The following PHF10 variants were observed in gnomAD, a reference collection of about 807,000 sequenced individuals.
PHF10 encodes the protein PHD finger protein 10.
Under a neutral mutation model 68.5 loss-of-function variants are expected in PHF10, and 51 were observed. The observed-to-expected ratio is 0.74, with a 90% CI of 0.59 to 0.94. PHF10 has a LOEUF of 0.94. PHF10 is among the 40% of genes least tolerant of loss of function. The pLI, the probability that PHF10 is intolerant of heterozygous loss-of-function variation, is 0.00. For synonymous variants in PHF10, 204 were observed against 203.5 expected, an observed-to-expected ratio of 1.00 and a Z score of -0.02; for missense variants, 460 against 602.6, an observed-to-expected ratio of 0.76 and a Z score of 2.48.
rs1188186747 is a variant in PHF10 at position 169,712,400 on chromosome 6, T to G, written c.943A>C (p.Asn315His). 2 of 1,614,018 alleles carry G rather than the reference T, an allele frequency of 1.2e-6. No homozygotes were observed. Among genetic ancestry groups the G allele is most frequent in the South Asian group, 2.2e-5 (2 of 91,072 alleles). Residue 315 changes from asparagine to histidine, a missense_variant, in exon 8 of 12, where the codon AAT becomes CAT. Physicochemically the swap from Asn to His is moderately conservative, Grantham distance 68 (BLOSUM62 1). Transcript: ENST00000339209. Reference sequence around the variant, plus strand: ...AATGTTCTCACCGAAGTGCCTTTATTTTTCCGTTTCTCATCACCTCGACCA... The same window carrying G: ...AATGTTCTCACCGAAGTGCCTTTATGTTTCCGTTTCTCATCACCTCGACCA... ...EDGRGDEKRK[N>H]KGTSDSSSGN... is the part of the protein sequence containing the mutation.
chr6:169,719,474 G>C (rs1055460770), intron 2 of PHF10, among the ~76,000 whole-genome samples: 4 of 152,142 alleles, frequency 2.6e-5, no homozygotes, highest in Non-Finnish European at 1.5e-5. Context: ...TATCACAGTC[G>C]ATCTCCATCC....
At chr6:169,714,068 C>T (rs970306906) in intron 7 of PHF10, among the ~76,000 whole-genome samples, 3 of 151,946 alleles carry the variant, frequency 2.0e-5, no homozygotes, top group South Asian at 2.1e-4. Flanking sequence ...TTGCAGTGAG[C>T]CGAAATCACA....
rs1441979774 is a variant in PHF10, at chr6:169,723,895, G to A, written c.37C>T (p.Pro13Ser). The A allele has an allele frequency of 6.5e-6, 7 of 1,084,146 alleles. No homozygotes were observed. The African/African-American group carries it at 6.7e-5, about 10-fold the overall frequency. The allele number at this position is 1,084,146 out of a possible 1,614,324, so 67.2% of individuals were successfully genotyped here. A position where few individuals can be genotyped will look rare whatever the true frequency, so the allele number is the denominator to read the frequency against. ...AAAGPGAALSPRPCDSDPATP... is the reference protein window; with the variant it reads ...AAAGPGAALSSRPCDSDPATP... ...GCTGGGTCGCTGTCGCACGGCCGCG[G>A]GGACAGCGCAGCCCCGGGCCCGGCC... is the stretch of plus-strand genomic sequence containing the variant. The change falls in exon 1 of 12, where the codon CCG becomes TCG. Residue 13 changes from proline (P) to serine (S), a missense_variant. Around this residue, in one of 3 missense-constraint regions of PHF10, gnomAD observed 93 missense variants for 82.4 expected, o/e 1.13. Coordinates refer to ENST00000339209, the MANE Select transcript of PHF10 (RefSeq NM_018288.4).
intron 1 of PHF10, among the ~76,000 whole-genome samples, chr6:169,722,113 A>G (rs1270113293): frequency 1.3e-5 from 2 of 152,242 alleles, no homozygotes; most frequent in Admixed American, 6.5e-5. Context: ...GAGCTACTAT[A>G]TTAAAAGTAC....
intron 1 of PHF10, 117 bp downstream of exon 1, chr6:169,723,728 C>T (rs1789243355): frequency 7.0e-6 from 2 of 284,218 alleles, no homozygotes; most frequent in Non-Finnish European, 1.1e-5. Flanking sequence ...AGGCGCGGCG[C>T]CCGGCCTGGG....
intron 8 of PHF10, among the ~76,000 whole-genome samples, chr6:169,711,128 G>A (rs1261785047): frequency 6.6e-6 from 1 of 151,552 alleles, no homozygotes; most frequent in African/African-American, 2.4e-5. Context: ...TCTTTTTTCT[G>A]GGTGTCCACT....
chr6:169,706,232 T>G (rs1314492885), intron 9 of PHF10, among the ~76,000 whole-genome samples: 1 of 152,112 alleles, frequency 6.6e-6, no homozygotes, highest in African/African-American at 2.4e-5. Context: ...TAAAAAAAAA[T>G]CAGTTTAAAC....
At position 169,712,300 on chromosome 6, in the gene PHF10, T is replaced by C. The variant is rs946249240; in HGVS notation, c.957+86A>G. On this transcript the variant is annotated intron_variant, in intron 8 of 11. Coordinates refer to ENST00000339209, the MANE Select transcript of PHF10 (RefSeq NM_018288.4). ...GGAAATTACATGCAACCATCCTTTT[T>C]CAAGGAGAGGGTGATGACAGAAATT... 9.7e-6 allele frequency: 11 copies of C among 1,137,332 alleles called. No homozygotes were observed. In the East Asian group the frequency reaches 2.6e-4, roughly 27 times the overall value. 70.5% of individuals were successfully genotyped at this position (1,137,332 alleles called of 1,614,324 possible).
chr6:169,711,415 T>TC (rs1357160530), intron 8 of PHF10, among the ~76,000 whole-genome samples: 2 of 152,228 alleles, frequency 1.3e-5, no homozygotes, highest in African/African-American at 4.8e-5. Context: ...GACCTTTTTT[T>TC]CTAATTAAAA....
Position 169,713,940 on chromosome 6 carries a change from G to T in PHF10, c.803+793C>A, listed in dbSNP as rs73041103. 1.8e-3 allele frequency among the ~76,000 whole-genome samples: 281 copies of T among 152,224 alleles called. 1 individual carries two copies. The highest frequency in any genetic ancestry group is 3.3e-3 in the Admixed American group (50 of 15,292). On this transcript the variant is annotated intron_variant, in intron 7 of 11. Coordinates refer to ENST00000339209, the MANE Select transcript of PHF10 (RefSeq NM_018288.4). ...AGATCAAGAGCATCCTGGCCAACATGGTAAAACCCACCTCTACCAAAAATA... is the reference window on the plus strand; with the variant it reads ...AGATCAAGAGCATCCTGGCCAACATTGTAAAACCCACCTCTACCAAAAATA...
chr6:169,720,968 TC>T (rs963261305), intron 2 of PHF10, 36 bp downstream of exon 2: 3 of 1,121,570 alleles, frequency 2.7e-6, no homozygotes, highest in Non-Finnish European at 2.6e-6. Context: ...AAGAGGAACA[TC>T]ACAAAAAATA....
In PHF10 at chr6:169,717,768, G is replaced by T. The variant is rs1280566600; in HGVS notation, c.409+55C>A. 3 of 733,258 alleles carry T rather than the reference G, an allele frequency of 4.1e-6. No individual in the cohort carries two copies. In the East Asian group the frequency reaches 7.9e-5, roughly 19 times the overall value. 45.4% of individuals were successfully genotyped at this position (733,258 alleles called of 1,614,324 possible). ...TTTTAGGAAATAAGATACTTATCTAGTATTATCTCATAAATGTTCAGCTTG... is the reference window on the plus strand; with the variant it reads ...TTTTAGGAAATAAGATACTTATCTATTATTATCTCATAAATGTTCAGCTTG... On this transcript the variant is annotated intron_variant, in intron 4 of 11. Transcript: ENST00000339209.
At chr6:169,714,697 T>C (rs768964650) in intron 7 of PHF10, 36 bp downstream of exon 7, 3 of 1,056,200 alleles carry the variant, frequency 2.8e-6, no homozygotes, top group Non-Finnish European at 3.0e-6. Context: ...CCCTTACCAA[T>C]AGCCGATACC....
chr6:169,715,209 G>C (rs1390768939), intron 6 of PHF10, among the ~76,000 whole-genome samples: 1 of 152,104 alleles, frequency 6.6e-6, no homozygotes, highest in African/African-American at 2.4e-5. Flanking sequence ...AAACTCTTGG[G>C]ACGCACAGCA....
At chr6:169,717,403 C>T (rs1208997958) in intron 4 of PHF10, among the ~76,000 whole-genome samples, 1 of 152,226 alleles carries the variant, frequency 6.6e-6, no homozygotes, top group Non-Finnish European at 1.5e-5. Flanking sequence ...AACATCTTTG[C>T]TTACCCTAGC....
At chr6:169,709,202 AGTTT>A (rs1401300707) in intron 9 of PHF10, 3 of 152,138 alleles carry the variant, frequency 2.0e-5, no homozygotes, top group African/African-American at 4.8e-5. Context: ...TGTTCTAGTT[AGTTT>A]GAGGGAAAGG....
intron 4 of PHF10, among the ~76,000 whole-genome samples, chr6:169,717,066 A>G (rs1789065240): frequency 6.6e-6 from 1 of 152,328 alleles, no homozygotes; most frequent in Non-Finnish European, 1.5e-5. Context: ...AGCCTGGCCA[A>G]CATGGTAAAA....
rs1789116004 is a variant in PHF10, at chr6:169,718,986, G to A, written c.195-68C>T. ...TTAATTTTTAATCACTTTTATTGAG[G>A]ATATTTTGAAAACTATTTTAAGTAT... is the stretch of plus-strand genomic sequence containing the variant. On this transcript the variant is annotated intron_variant, in intron 2 of 11. Transcript: ENST00000339209. The A allele has an allele frequency of 7.6e-6, 8 of 1,059,328 alleles. No homozygotes were observed. In the Admixed American group the frequency reaches 1.2e-4, roughly 16 times the overall value. The allele number at this position is 1,059,328 out of a possible 1,614,324, so 65.6% of individuals were successfully genotyped here.
At position 169,710,199 on chromosome 6, in the gene PHF10, C is replaced by A. The variant is rs764572248; in HGVS notation, c.1113+37G>T. On this transcript the variant is annotated intron_variant, in intron 9 of 11. Transcript: ENST00000339209. The stretch of plus-strand genomic sequence containing the variant: ...TAAAATATTTCAGGGAGAGGCTGGT[C>A]AGTAAAGAAGCTGAGTCAGGGGCTT... The A allele has an allele frequency of 9.3e-5, 139 of 1,489,348 alleles. 1 individual carries two copies. In the South Asian group the frequency reaches 1.8e-3, roughly 19 times the overall value. 92.3% of individuals were successfully genotyped at this position (1,489,348 alleles called of 1,614,324 possible).
Sources: gnomAD v4.1 joint callset for allele counts (sites outside exome capture counted in the v4.1 genomes callset) on GRCh38, gnomAD v4.1.1 for gene constraint, gnomAD v4.1.1 regional missense constraint, MANE v1.5 for transcripts, NCBI Gene and HGNC (gene_info 2026-07-23, HGNC 2026-07-21) for gene names.